The following TOX variants were observed in gnomAD, a reference collection of about 807,000 sequenced individuals.
TOX encodes the protein thymocyte selection associated high mobility group box.
A neutral mutation model predicts 53.7 loss-of-function variants in TOX; 11 were observed. The observed-to-expected ratio is 0.20, with a 90% CI of 0.13 to 0.34. TOX has a LOEUF of 0.34. Ranked by LOEUF, TOX falls within the 10% of genes least tolerant of loss-of-function variation. The probability of loss-of-function intolerance (pLI) is 1.00; values close to 1 mark genes in which losing one functional copy is unlikely to be tolerated. For synonymous variants in TOX, 225 were observed against 245.3 expected (o/e 0.92, Z 0.77); for missense variants, 570 against 664.6 (o/e 0.86, Z 1.56).
rs1811661102 is a variant in TOX, at chr8:58,897,070, T to G, written c.411+42232A>C. Among the ~76,000 whole-genome samples, 7 of 152,350 alleles carry G rather than the reference T, an allele frequency of 4.6e-5. No individual in the cohort carries two copies. The South Asian group carries it at 1.4e-3, about 32-fold the overall frequency. Reference sequence around the variant, plus strand: ...ATAATAATAAAAATATTCCTAATTTTATTTGCCTTCTAGTATCACCATTGA... The same window carrying G: ...ATAATAATAAAAATATTCCTAATTTGATTTGCCTTCTAGTATCACCATTGA... On this transcript the variant is annotated intron_variant, in intron 3 of 8. Transcript: ENST00000361421.
intron 4 of TOX, among the ~76,000 whole-genome samples, chr8:58,839,300 G>A (rs1810603512): frequency 6.6e-6 from 1 of 152,142 alleles, no homozygotes; most frequent in African/African-American, 2.4e-5. Context: ...TTTTAACTTT[G>A]TTCAAATTTA....
At chr8:59,054,053 C>T (rs969740616) in intron 1 of TOX, among the ~76,000 whole-genome samples, 1 of 152,154 alleles carries the variant, frequency 6.6e-6, no homozygotes, top group African/African-American at 2.4e-5. Flanking sequence ...ACCACTTAAA[C>T]TAACTTGCAA....
chr8:59,021,932 T>C (rs748269366), intron 1 of TOX, among the ~76,000 whole-genome samples: 18 of 152,192 alleles, frequency 1.2e-4, no homozygotes, highest in Non-Finnish European at 1.6e-4. Flanking sequence ...ACCCAAATCA[T>C]CATTTAGTCA....
At chr8:58,914,850 G>T (rs200916030) in intron 3 of TOX, among the ~76,000 whole-genome samples, 11 of 151,730 alleles carry the variant, frequency 7.2e-5, no homozygotes, top group Non-Finnish European at 1.2e-4. Context: ...TGCGCGCACC[G>T]TGCGCGAGCC....
At chr8:59,060,637 C>T (rs931843806) in intron 1 of TOX, among the ~76,000 whole-genome samples, 8 of 152,102 alleles carry the variant, frequency 5.3e-5, no homozygotes, top group African/African-American at 1.9e-4. Context: ...AAAAAACAAA[C>T]AAACAAACAA....
chr8:58,851,531 G>A lies in TOX; in HGVS notation c.686C>T (p.Thr229Ile). 6.2e-7 allele frequency: 1 copy of A among 1,612,666 alleles called. No homozygotes were observed. The highest frequency in any genetic ancestry group is 8.5e-7 in the Non-Finnish European group (1 of 1,179,574). Reference protein sequence around the residue: ...SSVHEDEGDDTSKINGGEKRP... With the variant: ...SSVHEDEGDDISKINGGEKRP... Reference sequence around the variant, plus strand: ...AAAATAACTTATTCATACCTTAGAGGTATCATCGCCTTCATCTTCATGCAC... The same window carrying A: ...AAAATAACTTATTCATACCTTAGAGATATCATCGCCTTCATCTTCATGCAC... The change falls in exon 4 of 9, where the codon ACC (threonine) becomes ATC (isoleucine). Residue 229 changes from threonine to isoleucine, a missense_variant. Thr to Ile is a moderately conservative substitution (Grantham distance 89, BLOSUM62 -1). Around this residue, in one of 3 missense-constraint regions of TOX, gnomAD observed 282 missense variants for 315.0 expected, o/e 0.90. Coordinates refer to ENST00000361421, the MANE Select transcript of TOX (RefSeq NM_014729.3). The surrounding 1 kb of genome is among the most constrained non-coding windows in gnomAD (Gnocchi z 4.4).
At chr8:58,911,406 CTATT>C in intron 3 of TOX, among the ~76,000 whole-genome samples, 1 of 152,250 alleles carries the variant, frequency 6.6e-6, no homozygotes, top group Non-Finnish European at 1.5e-5. Flanking sequence ...CAATTCCATA[CTATT>C]TCTTATTGTT....
chr8:58,978,150 G>T lies in TOX; in HGVS notation c.103-18142C>A, dbSNP rs1813137937. Among the ~76,000 whole-genome samples, 4 of 152,264 alleles carry T rather than the reference G, an allele frequency of 2.6e-5. No homozygotes were observed. In the South Asian group the frequency reaches 8.3e-4, roughly 32 times the overall value. On this transcript the variant is annotated intron_variant, in intron 1 of 8. Transcript: ENST00000361421. ...GAGTTTTATTTTTTCAACAGGGTAG[G>T]CATGGGGGAGGAGTCTCAGGAAAGA... is the stretch of plus-strand genomic sequence containing the variant.
chr8:59,026,975 G>C (rs1231508514), intron 1 of TOX, among the ~76,000 whole-genome samples: 2 of 152,014 alleles, frequency 1.3e-5, no homozygotes, highest in South Asian at 4.2e-4. Context: ...TGGAGAAGGG[G>C]GAGTGAAGAA....
intron 1 of TOX, among the ~76,000 whole-genome samples, chr8:59,022,516 T>C (rs2129419505): frequency 6.6e-6 from 1 of 152,306 alleles, no homozygotes; most frequent in African/African-American, 2.4e-5. Context: ...CCCATGCACA[T>C]TCAGCTCCGT....
At chr8:59,073,822 C>A (rs1804245308) in intron 1 of TOX, among the ~76,000 whole-genome samples, 1 of 152,090 alleles carries the variant, frequency 6.6e-6, no homozygotes, top group South Asian at 2.1e-4. Context: ...TCCAGAGGGT[C>A]CCAAAATATA....
At chr8:59,107,199 G>C (rs1804929411) in intron 1 of TOX, among the ~76,000 whole-genome samples, 1 of 152,038 alleles carries the variant, frequency 6.6e-6, no homozygotes, top group South Asian at 2.1e-4. Flanking sequence ...ATCATGAAAA[G>C]AATATGTAGC....
chr8:58,975,607 G>T (rs1813082201), intron 1 of TOX, among the ~76,000 whole-genome samples: 2 of 152,126 alleles, frequency 1.3e-5, no homozygotes. Flanking sequence ...GTCTAAAAAT[G>T]TGCATACCTT....
chr8:59,013,557 C>T (rs796380830), intron 1 of TOX, among the ~76,000 whole-genome samples: 25 of 152,058 alleles, frequency 1.6e-4, no homozygotes, highest in Non-Finnish European at 2.2e-4. Context: ...ACTACAGCCA[C>T]GAGCCACCAT....
At chr8:59,036,454 T>C (rs905399481) in intron 1 of TOX, among the ~76,000 whole-genome samples, 4 of 152,202 alleles carry the variant, frequency 2.6e-5, no homozygotes, top group Non-Finnish European at 5.9e-5. Flanking sequence ...TGTCTTATCC[T>C]GCATTTTATT....
At chr8:59,078,173 A>G (rs1804328342) in intron 1 of TOX, among the ~76,000 whole-genome samples, 1 of 152,222 alleles carries the variant, frequency 6.6e-6, no homozygotes, top group Non-Finnish European at 1.5e-5. Flanking sequence ...GAAACTTTAT[A>G]ACACAGCAGA....
At chr8:58,950,518 T>C (rs1812603928) in intron 2 of TOX, among the ~76,000 whole-genome samples, 1 of 152,204 alleles carries the variant, frequency 6.6e-6, no homozygotes, top group Non-Finnish European at 1.5e-5. Flanking sequence ...TGCATCTCTC[T>C]AAATACTGGA....
At chr8:59,035,763 A>G (rs189266641) in intron 1 of TOX, among the ~76,000 whole-genome samples, 27 of 152,404 alleles carry the variant, frequency 1.8e-4, no homozygotes, top group Non-Finnish European at 1.5e-4. Flanking sequence ...GTGATCATAG[A>G]GAAATAATCA....
At chr8:59,034,265 T>C (rs1814414296) in intron 1 of TOX, among the ~76,000 whole-genome samples, 1 of 152,226 alleles carries the variant, frequency 6.6e-6, no homozygotes, top group African/African-American at 2.4e-5. Flanking sequence ...CCAGATAAGA[T>C]TGAAATCTAT....
Sources: gnomAD v4.1 joint callset for allele counts (sites outside exome capture counted in the v4.1 genomes callset) on GRCh38, gnomAD v4.1.1 for gene constraint, gnomAD v4.1.1 regional missense constraint, Gnocchi (gnomAD v3.1) non-coding constraint, MANE v1.5 for transcripts, NCBI Gene and HGNC (gene_info 2026-07-23, HGNC 2026-07-21) for gene names.